Variants in SLA observed in about 807,000 individuals in gnomAD.
The protein encoded by SLA is src-like-adapter.
Under a neutral mutation model 30.3 loss-of-function variants are expected in SLA, and 16 were observed. The observed-to-expected ratio is 0.53, with a 90% CI of 0.36 to 0.80. The LOEUF is 0.80. Among genes scored for constraint, SLA ranks in the 30% least tolerant of loss-of-function variants. The pLI is 0.01. For missense variants in SLA, 310 were observed against 345.2 expected, an observed-to-expected ratio of 0.90 and a Z score of 0.81; for synonymous variants, 143 against 137.8, an observed-to-expected ratio of 1.04 and a Z score of -0.26.
intron 1 of SLA, chr8:133,076,153 A>T (rs1235996020): frequency 6.6e-6 from 1 of 152,220 alleles, no homozygotes; most frequent in Non-Finnish European, 1.5e-5. Context: ...CCACACTGGG[A>T]TGGCCCTCAG....
chr8:133,070,450 C>A (rs945479633), intron 2 of SLA, among the ~76,000 whole-genome samples: 1 of 152,218 alleles, frequency 6.6e-6, no homozygotes, highest in South Asian at 2.1e-4. Flanking sequence ...GTTTAAAATA[C>A]ACGGACTCAT....
chr8:133,074,747 C>T, intron 2 of SLA, 106 bp downstream of exon 2: 1 of 595,542 alleles, frequency 1.7e-6, no homozygotes, highest in South Asian at 7.3e-5. Context: ...CACCTGTTCT[C>T]AGGGAGCTCC....
intron 3 of SLA, among the ~76,000 whole-genome samples, chr8:133,055,377 A>G (rs763281029): frequency 1.1e-3 from 35 of 32,958 alleles, no homozygotes; most frequent in African/African-American, 9.7e-3. Context: ...ACACACACAC[A>G]CACACACACA....
chr8:133,074,319 C>T (rs1321741850), intron 2 of SLA, among the ~76,000 whole-genome samples: 1 of 152,168 alleles, frequency 6.6e-6, no homozygotes, highest in Non-Finnish European at 1.5e-5. Flanking sequence ...CCTCAACCCA[C>T]CTGGCTCCAT....
chr8:133,070,029 A>AAAAAAAAAAAAAAAAAAAAC (rs376711807), intron 2 of SLA, among the ~76,000 whole-genome samples: 3 of 109,812 alleles, frequency 2.7e-5, no homozygotes, highest in African/African-American at 1.2e-4. Flanking sequence ...AAAAAAAAGA[A>AAAAAAAAAAAAAAAAAAAAC]AGAAAGAAAG....
chr8:133,090,428 G>A (rs1407985141), intron 1 of SLA, among the ~76,000 whole-genome samples: 1 of 152,158 alleles, frequency 6.6e-6, no homozygotes, highest in Admixed American at 6.5e-5. Context: ...TCAAGAGAGT[G>A]AGCAAAAAAG....
intron 1 of SLA, among the ~76,000 whole-genome samples, chr8:133,084,042 C>G (rs1846133683): frequency 6.6e-6 from 1 of 152,184 alleles, no homozygotes; most frequent in Non-Finnish European, 1.5e-5. Context: ...GAGGCCATTC[C>G]CACCCACCAG....
intron 1 of SLA, among the ~76,000 whole-genome samples, chr8:133,083,814 T>A (rs2131552821): frequency 6.6e-6 from 1 of 152,288 alleles, no homozygotes; most frequent in Admixed American, 6.5e-5. Context: ...GCCCTTCTCA[T>A]CCAGTGCCCT....
intron 3 of SLA, among the ~76,000 whole-genome samples, chr8:133,056,240 A>G (rs1357187596): frequency 6.6e-6 from 1 of 152,226 alleles, no homozygotes; most frequent in Non-Finnish European, 1.5e-5. Context: ...CTAGTTATAT[A>G]TTTTATGATG....
intron 7 of SLA, among the ~76,000 whole-genome samples, chr8:133,042,678 C>CTTTTTTT (rs58739514): frequency 0.012 from 667 of 56,750 alleles, 101 homozygotes; most frequent in African/African-American, 0.023. Flanking sequence ...CATTCTGTGT[C>CTTTTTTT]TTTTTTTTTT....
chr8:133,056,885 C>T (rs1564129017), intron 3 of SLA, among the ~76,000 whole-genome samples: 1 of 152,120 alleles, frequency 6.6e-6, no homozygotes, highest in Non-Finnish European at 1.5e-5. Flanking sequence ...TACAGAGTCC[C>T]CAGGAACTCC....
intron 2 of SLA, among the ~76,000 whole-genome samples, chr8:133,071,767 T>C (rs1005357408): frequency 4.6e-5 from 7 of 152,152 alleles, no homozygotes; most frequent in African/African-American, 1.4e-4. Flanking sequence ...CTCTTCTCTC[T>C]CCCTGGCTCT....
intron 1 of SLA, among the ~76,000 whole-genome samples, chr8:133,091,639 T>C (rs1847550637): frequency 6.6e-6 from 1 of 152,026 alleles, no homozygotes. Flanking sequence ...TATGTGTGTG[T>C]ATCTTTGAGT....
At chr8:133,098,510 TC>T (rs1345583704) in intron 1 of SLA, among the ~76,000 whole-genome samples, 1 of 152,184 alleles carries the variant, frequency 6.6e-6, no homozygotes, top group Non-Finnish European at 1.5e-5. Context: ...TTTGATACCC[TC>T]CTACAGGGGA....
At chr8:133,086,653 C>A (rs1284425549) in intron 1 of SLA, among the ~76,000 whole-genome samples, 2 of 152,160 alleles carry the variant, frequency 1.3e-5, no homozygotes, top group Non-Finnish European at 2.9e-5. Flanking sequence ...GCAGTATTGT[C>A]TGTAACATCA....
intron 7 of SLA, among the ~76,000 whole-genome samples, chr8:133,040,968 C>T (rs918079541): frequency 6.6e-6 from 1 of 152,190 alleles, no homozygotes; most frequent in Admixed American, 6.5e-5. Context: ...TCTCAGGATC[C>T]CCCATCTTTC....
intron 7 of SLA, among the ~76,000 whole-genome samples, chr8:133,044,335 C>A (rs1838891825): frequency 6.6e-6 from 1 of 152,156 alleles, no homozygotes; most frequent in Non-Finnish European, 1.5e-5. Flanking sequence ...CTTGCTTTAT[C>A]TCAGTGGATG....
intron 1 of SLA, chr8:133,102,280 C>T (rs60487272): frequency 0.24 from 94,143 of 393,090 alleles, 12,976 homozygotes; most frequent in African/African-American, 0.36. Flanking sequence ...CATGCCAACG[C>T]TGCATAAGTA....
At chr8:133,062,388 C>T (rs1842489256) in intron 2 of SLA, among the ~76,000 whole-genome samples, 3 of 152,226 alleles carry the variant, frequency 2.0e-5, no homozygotes, top group Admixed American at 2.0e-4. Context: ...AAATGTGCTT[C>T]CCCAAAATGC....
Sources: gnomAD v4.1 joint callset for allele counts (sites outside exome capture counted in the v4.1 genomes callset) on GRCh38, gnomAD v4.1.1 for gene constraint, MANE v1.5 for transcripts, NCBI Gene and HGNC (gene_info 2026-07-23, HGNC 2026-07-21) for gene names.